The following EYS variants were observed in gnomAD, a reference collection of about 807,000 sequenced individuals.
The protein encoded by EYS is EGF-like photoreceptor maintenance factor, also known as protein eyes shut homolog.
A neutral mutation model predicts 282.1 loss-of-function variants in EYS; 250 were observed. The observed-to-expected ratio is 0.89, with a 90% CI of 0.80 to 0.98. The LOEUF (loss-of-function observed/expected upper bound fraction) is 0.98, where lower values mean the gene tolerates loss of function less well. Among genes scored for constraint, EYS ranks in the 50% least tolerant of loss-of-function variants. The pLI is 0.00. For missense variants in EYS, 4,016 were observed against 3,709.0 expected (o/e 1.08, Z -2.15); for synonymous variants, 1,355 against 1,282.9 (o/e 1.06, Z -1.20).
At chr6:65,096,414 C>T (rs1368074061) in intron 12 of EYS, among the ~76,000 whole-genome samples, 2 of 150,806 alleles carry the variant, frequency 1.3e-5, no homozygotes, top group African/African-American at 2.4e-5. Flanking sequence ...AAAATGTCCA[C>T]AATCACAAAG....
intron 12 of EYS, among the ~76,000 whole-genome samples, chr6:65,170,514 A>G (rs1765080985): frequency 6.6e-6 from 1 of 151,566 alleles, no homozygotes; most frequent in African/African-American, 2.4e-5. Flanking sequence ...CAAAGAATTT[A>G]TTACAATTTC....
At position 64,513,782 on chromosome 6, in the gene EYS, A is replaced by T. The variant is rs146076883; in HGVS notation, c.5645-74430T>A. Reference sequence around the variant, plus strand: ...TTTGGTGTGCCTGGACTGGAGGAAAACAATTTTGATTAACATGAAGAAAAA... The same window carrying T: ...TTTGGTGTGCCTGGACTGGAGGAAATCAATTTTGATTAACATGAAGAAAAA... On this transcript the variant is annotated intron_variant, in intron 26 of 42. Transcript: ENST00000503581. Among the ~76,000 whole-genome samples the T allele has an allele frequency of 7.0e-3, 1,065 of 151,940 alleles. 3 individuals are homozygous for T. The highest frequency in any genetic ancestry group is 0.011 in the Non-Finnish European group (767 of 67,858).
intron 1 of EYS, among the ~76,000 whole-genome samples, chr6:65,647,569 T>A (rs1654321488): frequency 6.6e-6 from 1 of 152,072 alleles, no homozygotes; most frequent in Non-Finnish European, 1.5e-5. Flanking sequence ...GATTCTAGAA[T>A]ATAACATCAG....
At chr6:64,817,435 G>C (rs981902373) in intron 21 of EYS, among the ~76,000 whole-genome samples, 1 of 152,018 alleles carries the variant, frequency 6.6e-6, no homozygotes, top group African/African-American at 2.4e-5. Context: ...TAAATAAAAA[G>C]CTCATAAATT....
intron 12 of EYS, among the ~76,000 whole-genome samples, chr6:65,196,727 G>A (rs1215640388): frequency 1.3e-5 from 2 of 152,100 alleles, no homozygotes; most frequent in South Asian, 2.1e-4. Flanking sequence ...AGGACTTTTA[G>A]TGATGGTGGT....
At chr6:64,148,011 G>A (rs1774577230) in intron 31 of EYS, among the ~76,000 whole-genome samples, 1 of 152,130 alleles carries the variant, frequency 6.6e-6, no homozygotes, top group African/African-American at 2.4e-5. Context: ...CTAGGCCAAA[G>A]TGACTTCAAA....
At chr6:65,609,376 T>TA (rs1395758619) in intron 2 of EYS, among the ~76,000 whole-genome samples, 19 of 151,652 alleles carry the variant, frequency 1.3e-4, no homozygotes, top group Admixed American at 9.9e-4. Context: ...GTAAGAACTG[T>TA]ATAAAATTTA....
chr6:65,471,291 A>G (rs1446744639), intron 5 of EYS, among the ~76,000 whole-genome samples: 1 of 151,614 alleles, frequency 6.6e-6, no homozygotes, highest in East Asian at 1.9e-4. Context: ...CAGCTACTCA[A>G]TGGCTGAAGT....
chr6:63,874,824 A>G (rs867555429), intron 35 of EYS, among the ~76,000 whole-genome samples: 28 of 152,216 alleles, frequency 1.8e-4, no homozygotes, highest in African/African-American at 6.5e-4. Context: ...TCGATTTTGT[A>G]TCCTGAGACT....
chr6:65,243,965 A>C (rs1401530378), intron 12 of EYS, among the ~76,000 whole-genome samples: 2 of 152,164 alleles, frequency 1.3e-5, no homozygotes, highest in African/African-American at 4.8e-5. Context: ...TTCCAAATAA[A>C]ATAGTTTTTG....
At chr6:64,440,567 C>T (rs1209330662) in intron 26 of EYS, among the ~76,000 whole-genome samples, 1 of 152,004 alleles carries the variant, frequency 6.6e-6, no homozygotes, top group Admixed American at 6.6e-5. Flanking sequence ...TTTTGACATT[C>T]TAATTTTTTC....
At chr6:65,439,398 G>A (rs1768213606) in intron 5 of EYS, among the ~76,000 whole-genome samples, 1 of 152,098 alleles carries the variant, frequency 6.6e-6, no homozygotes, top group African/African-American at 2.4e-5. Context: ...CTCATTGGTA[G>A]CTTGATGGGG....
At chr6:63,887,241 G>C (rs1396852991) in intron 35 of EYS, among the ~76,000 whole-genome samples, 1 of 150,016 alleles carries the variant, frequency 6.7e-6, no homozygotes, top group Admixed American at 6.6e-5. Flanking sequence ...AATATAATGA[G>C]AATATATCCA....
chr6:64,336,889 C>T (rs116127860), intron 29 of EYS, among the ~76,000 whole-genome samples: 4,727 of 152,002 alleles, frequency 0.031, 231 homozygotes, highest in African/African-American at 0.11. Flanking sequence ...GGGTCAAAAA[C>T]GAAGACAAGA....
chr6:63,723,788 C>CATTATT (rs57873412), intron 42 of EYS, among the ~76,000 whole-genome samples: 1,733 of 138,156 alleles, frequency 0.013, 17 homozygotes, highest in African/African-American at 0.03. Context: ...TACACATTGG[C>CATTATT]ATTATTATTA....
At chr6:64,949,464 T>C (rs1304520034) in intron 14 of EYS, among the ~76,000 whole-genome samples, 2 of 151,864 alleles carry the variant, frequency 1.3e-5, no homozygotes, top group African/African-American at 4.8e-5. Flanking sequence ...CATGGCCTCC[T>C]CCTCTCACAG....
At chr6:64,871,176 C>T (rs1224172061) in intron 19 of EYS, among the ~76,000 whole-genome samples, 1 of 151,836 alleles carries the variant, frequency 6.6e-6, no homozygotes, top group African/African-American at 2.4e-5. Flanking sequence ...ATTATATAGA[C>T]ATCTAATAAA....
intron 15 of EYS, among the ~76,000 whole-genome samples, chr6:64,930,988 T>C (rs1297193703): frequency 6.6e-6 from 1 of 152,168 alleles, no homozygotes; most frequent in African/African-American, 2.4e-5. Context: ...ATGCCAGGAA[T>C]AGCAGAAGGC....
intron 26 of EYS, among the ~76,000 whole-genome samples, chr6:64,442,746 G>C (rs1488022838): frequency 6.6e-6 from 1 of 152,214 alleles, no homozygotes; most frequent in Non-Finnish European, 1.5e-5. Context: ...CTTCCATGTG[G>C]TGTTGAGCCT....
Sources: gnomAD v4.1 joint callset for allele counts (sites outside exome capture counted in the v4.1 genomes callset) on GRCh38, gnomAD v4.1.1 for gene constraint, MANE v1.5 for transcripts, NCBI Gene and HGNC (gene_info 2026-07-23, HGNC 2026-07-21) for gene names.